The following CD109 variants were observed in gnomAD, a reference collection of about 807,000 sequenced individuals.
CD109 encodes CD109 antigen.
CD109 carries 149 observed loss-of-function variants against 165.8 expected under a neutral mutation model. The ratio of observed to expected loss-of-function variants is 0.90; its 90% CI spans 0.79 to 1.03. The LOEUF is 1.03. Ranked by LOEUF, CD109 falls within the 50% of genes least tolerant of loss-of-function variation. CD109 has a pLI of 0.00. For missense variants in CD109, 1,712 were observed against 1,677.8 expected (o/e 1.02, Z -0.36); for synonymous variants, 585 against 592.1 (o/e 0.99, Z 0.18).
At chr6:73,769,919 G>A (rs1562057716) in intron 14 of CD109, among the ~76,000 whole-genome samples, 1 of 152,190 alleles carries the variant, frequency 6.6e-6, no homozygotes, top group Non-Finnish European at 1.5e-5. Flanking sequence ...AACAGGTAAG[G>A]AAGGCTTTAT....
chr6:73,808,156 C>G lies in CD109; in HGVS notation c.3263C>G (p.Thr1088Ser). 1 of 1,613,480 alleles carries G rather than the reference C, an allele frequency of 6.2e-7. No homozygotes were observed. Among genetic ancestry groups the G allele is most frequent in the Non-Finnish European group, 8.5e-7 (1 of 1,179,602 alleles). ...EFSRGISDNY[T>S]LALITYALSS... ...AGTAGAGGAATTTCAGACAATTATA[C>G]TCTAGCCCTTATAACTTATGCATTG... Residue 1088 changes from threonine (T) to serine (S), a missense_variant, in exon 26 of 33, where the codon ACT (threonine) becomes AGT (serine). Transcript: ENST00000287097.
intron 23 of CD109, among the ~76,000 whole-genome samples, chr6:73,802,305 A>ATATTTTTT (rs1554183463): frequency 2.1e-5 from 1 of 47,608 alleles, no homozygotes; most frequent in African/African-American, 8.5e-5. Flanking sequence ...ATATATATAT[A>ATATTTTTT]TTTTTTTTTT....
At chr6:73,702,932 C>T (rs902987794) in intron 2 of CD109, among the ~76,000 whole-genome samples, 9 of 152,142 alleles carry the variant, frequency 5.9e-5, no homozygotes, top group African/African-American at 1.9e-4. Flanking sequence ...ACCGGGAACT[C>T]TATAAAAGAC....
At chr6:73,727,766 A>G (rs193180379) in intron 3 of CD109, among the ~76,000 whole-genome samples, 32 of 152,294 alleles carry the variant, frequency 2.1e-4, no homozygotes, top group Non-Finnish European at 4.3e-4. Flanking sequence ...AATCCCATCA[A>G]ATATATTTTT....
At chr6:73,731,958 T>G (rs1210705612) in intron 4 of CD109, among the ~76,000 whole-genome samples, 2 of 152,196 alleles carry the variant, frequency 1.3e-5, no homozygotes, top group Admixed American at 1.3e-4. Flanking sequence ...ACTCTGATGA[T>G]TTGGAGGCAC....
chr6:73,786,607 GATA>G (rs1280738293), intron 20 of CD109, among the ~76,000 whole-genome samples: 1 of 151,848 alleles, frequency 6.6e-6, no homozygotes, highest in Non-Finnish European at 1.5e-5. Flanking sequence ...AAATGGAAAT[GATA>G]ATTATTACAC....
At chr6:73,757,179 G>A (rs1372896130) in intron 6 of CD109, among the ~76,000 whole-genome samples, 2 of 152,146 alleles carry the variant, frequency 1.3e-5, no homozygotes, top group African/African-American at 2.4e-5. Flanking sequence ...TGAAAGCATA[G>A]GATCTTAGTA....
chr6:73,725,545 G>A (rs756098106), intron 3 of CD109, among the ~76,000 whole-genome samples: 4 of 83,486 alleles, frequency 4.8e-5, no homozygotes, highest in African/African-American at 1.5e-4. Flanking sequence ...TTTCTCTCTT[G>A]TTGCCCAGGC....
Position 73,787,428 on chromosome 6 carries a change from T to C in CD109, c.2532T>C (p.Ala844=). 3.1e-6 allele frequency: 5 copies of C among 1,612,974 alleles called. No homozygotes were observed. Among genetic ancestry groups the C allele is most frequent in the Non-Finnish European group, 3.4e-6 (4 of 1,179,050 alleles). ...CTCTTTCACCCACTGCTTCTGATGC[T>C]GTCACCCAGATGATTTTAGTAAAGG... ...VTALSPTASD[A]VTQMILVKAE... is the part of the protein sequence containing the mutation. Residue 844 remains alanine (A), a synonymous_variant, in exon 21 of 33, where the codon GCT becomes GCC. Transcript: ENST00000287097.
chr6:73,753,567 G>A (rs1489568825), intron 5 of CD109, among the ~76,000 whole-genome samples: 1 of 152,160 alleles, frequency 6.6e-6, no homozygotes, highest in African/African-American at 2.4e-5. Flanking sequence ...GGAAGACATT[G>A]TGTAGTAGAA....
At chr6:73,803,670 C>T (rs950590773) in intron 24 of CD109, among the ~76,000 whole-genome samples, 65 of 136,386 alleles carry the variant, frequency 4.8e-4, no homozygotes, top group African/African-American at 1.7e-3. Context: ...TGTGTTACTG[C>T]GGTCAATGTA....
Position 73,715,639 on chromosome 6 carries a change from TG to T in CD109, c.248-7611del, listed in dbSNP as rs879542718. ...GATTCTTTTTTTAATTTTTAATTGT[TG>T]TGGATACATAGAAGATGTATATATT... On this transcript the variant is annotated intron_variant, in intron 2 of 32. Coordinates refer to ENST00000287097, the MANE Select transcript of CD109 (RefSeq NM_133493.5). Among the ~76,000 whole-genome samples, 44 of 152,104 alleles carry T rather than the reference TG, an allele frequency of 2.9e-4. 1 individual carries two copies. The highest frequency in any genetic ancestry group is 5.9e-4 in the Non-Finnish European group (40 of 68,000).
At chr6:73,722,316 AC>A (rs1304801985) in intron 2 of CD109, among the ~76,000 whole-genome samples, 1 of 152,172 alleles carries the variant, frequency 6.6e-6, no homozygotes, top group African/African-American at 2.4e-5. Context: ...CCTTATAACC[AC>A]CTCATGAGAT....
chr6:73,757,637 C>T (rs573278143), intron 6 of CD109, among the ~76,000 whole-genome samples: 1 of 151,630 alleles, frequency 6.6e-6, no homozygotes, highest in South Asian at 2.1e-4. Flanking sequence ...TGTGGCTAGT[C>T]CAGATGGAGA....
intron 16 of CD109, among the ~76,000 whole-genome samples, chr6:73,780,858 A>ATG (rs1468193060): frequency 9.5e-5 from 14 of 146,868 alleles, no homozygotes; most frequent in South Asian, 2.1e-4. Context: ...AATATATTTT[A>ATG]TATATATTTC....
intron 8 of CD109, 93 bp downstream of exon 8, chr6:73,762,573 G>C (rs947272307): frequency 2.9e-6 from 3 of 1,031,110 alleles, no homozygotes; most frequent in Non-Finnish European, 4.3e-6. Flanking sequence ...AAAAAGTTAA[G>C]TGTAAGAAAA....
At chr6:73,705,990 G>A (rs1402534372) in intron 2 of CD109, among the ~76,000 whole-genome samples, 3 of 152,044 alleles carry the variant, frequency 2.0e-5, no homozygotes, top group South Asian at 2.1e-4. Context: ...AGGAGAGGGT[G>A]GATAATTCCT....
At chr6:73,785,683 C>T (rs1468114895) in intron 20 of CD109, among the ~76,000 whole-genome samples, 1 of 152,118 alleles carries the variant, frequency 6.6e-6, no homozygotes, top group Admixed American at 6.5e-5. Context: ...CACATTACCT[C>T]CTTGAATTTT....
At chr6:73,711,802 G>A (rs1250592311) in intron 2 of CD109, among the ~76,000 whole-genome samples, 4,889 of 21,254 alleles carry the variant, frequency 0.23, 958 homozygotes, top group Non-Finnish European at 0.38. Flanking sequence ...CTCCCAAAGT[G>A]CTGGGATTAC....
Sources: gnomAD v4.1 joint callset for allele counts (sites outside exome capture counted in the v4.1 genomes callset) on GRCh38, gnomAD v4.1.1 for gene constraint, MANE v1.5 for transcripts, NCBI Gene and HGNC (gene_info 2026-07-23, HGNC 2026-07-21) for gene names.